CPQ: variants seen among roughly 807,000 people sequenced by gnomAD.
The protein encoded by CPQ is Ser-Met dipeptidase.
CPQ carries 37 observed loss-of-function variants against 45.7 expected under a neutral mutation model. The observed-to-expected ratio is 0.81, with a 90% CI of 0.62 to 1.07. The LOEUF (loss-of-function observed/expected upper bound fraction) is 1.07. Among genes scored for constraint, CPQ ranks in the 50% least tolerant of loss-of-function variants. The probability of loss-of-function intolerance (pLI) is 0.00; values close to 1 mark genes in which losing one functional copy is unlikely to be tolerated. For synonymous variants in CPQ, 186 were observed against 205.8 expected (o/e 0.90, Z 0.82); for missense variants, 537 against 572.9 (o/e 0.94, Z 0.64).
intron 4 of CPQ, among the ~76,000 whole-genome samples, chr8:96,885,923 C>T (rs1398234393): frequency 4.0e-5 from 6 of 151,758 alleles, no homozygotes; most frequent in Non-Finnish European, 7.4e-5. Flanking sequence ...ACCTGGGAGG[C>T]GGAGATCGCA....
intron 1 of CPQ, among the ~76,000 whole-genome samples, chr8:96,730,953 C>G (rs1199785812): frequency 6.8e-6 from 1 of 147,000 alleles, no homozygotes; most frequent in African/African-American, 2.5e-5. Flanking sequence ...CTTATGGAAA[C>G]CCAATGCATA....
At chr8:96,795,757 T>C (rs1479796474) in intron 2 of CPQ, among the ~76,000 whole-genome samples, 1 of 152,072 alleles carries the variant, frequency 6.6e-6, no homozygotes, top group Non-Finnish European at 1.5e-5. Flanking sequence ...ATAAAATCTT[T>C]TAATGTAGAA....
At chr8:96,742,319 A>G (rs1416302293) in intron 1 of CPQ, among the ~76,000 whole-genome samples, 1 of 151,574 alleles carries the variant, frequency 6.6e-6, no homozygotes, top group East Asian at 1.9e-4. Flanking sequence ...TTTGTTTTCC[A>G]TTTGCTTGGT....
intron 2 of CPQ, among the ~76,000 whole-genome samples, chr8:96,813,825 G>C (rs1260307291): frequency 6.6e-6 from 1 of 152,046 alleles, no homozygotes; most frequent in Non-Finnish European, 1.5e-5. Context: ...CCTGGGTAGG[G>C]CAGAGCCTAT....
chr8:96,713,123 A>G (rs1239276428), intron 1 of CPQ, among the ~76,000 whole-genome samples: 2 of 152,164 alleles, frequency 1.3e-5, no homozygotes, highest in Non-Finnish European at 2.9e-5. Flanking sequence ...CTCAGCCTGC[A>G]CTTCATTGTT....
At chr8:96,991,340 C>T (rs779189626) in intron 5 of CPQ, among the ~76,000 whole-genome samples, 6 of 152,034 alleles carry the variant, frequency 3.9e-5, no homozygotes, top group Non-Finnish European at 7.4e-5. Context: ...GCCAATCACT[C>T]GAGGCCAGGA....
chr8:96,917,113 G>C (rs1812743850), intron 4 of CPQ, among the ~76,000 whole-genome samples: 1 of 151,984 alleles, frequency 6.6e-6, no homozygotes, highest in African/African-American at 2.4e-5. Context: ...TGTAAGGTGA[G>C]AGACAGACAG....
chr8:96,917,860 C>T (rs1367369244), intron 4 of CPQ, among the ~76,000 whole-genome samples: 1 of 152,090 alleles, frequency 6.6e-6, no homozygotes, highest in African/African-American at 2.4e-5. Flanking sequence ...GTTCCCTTCA[C>T]CCACCATTCA....
intron 1 of CPQ, among the ~76,000 whole-genome samples, chr8:96,755,762 TATA>T (rs923044195): frequency 6.6e-6 from 1 of 152,006 alleles, no homozygotes; most frequent in South Asian, 2.1e-4. Flanking sequence ...TATTTATCCT[TATA>T]ATAACTTAAA....
chr8:96,824,508 A>G (rs1811352512), intron 2 of CPQ, among the ~76,000 whole-genome samples: 1 of 152,008 alleles, frequency 6.6e-6, no homozygotes, highest in Non-Finnish European at 1.5e-5. Flanking sequence ...TTATTTAAAT[A>G]TTTGAAATCC....
intron 7 of CPQ, among the ~76,000 whole-genome samples, chr8:97,071,133 T>C (rs1810735036): frequency 6.6e-6 from 1 of 152,202 alleles, no homozygotes; most frequent in Admixed American, 6.5e-5. Context: ...GTGTGGTGGC[T>C]TGTGGTAGAC....
chr8:96,952,812 AT>A (rs1275563350), intron 4 of CPQ, among the ~76,000 whole-genome samples: 1 of 152,164 alleles, frequency 6.6e-6, no homozygotes, highest in Non-Finnish European at 1.5e-5. Context: ...TAAAAAATAA[AT>A]GTGAAAACAG....
At chr8:97,012,899 T>A (rs1809514875) in intron 5 of CPQ, among the ~76,000 whole-genome samples, 1 of 151,136 alleles carries the variant, frequency 6.6e-6, no homozygotes, top group South Asian at 2.1e-4. Context: ...AAATGTGTCT[T>A]GTGCTTCCCA....
intron 1 of CPQ, among the ~76,000 whole-genome samples, chr8:96,649,771 A>G (rs1815557569): frequency 6.6e-6 from 1 of 152,264 alleles, no homozygotes; most frequent in Non-Finnish European, 1.5e-5. Flanking sequence ...AGACACATCA[A>G]TTTAATAACT....
At chr8:96,960,642 C>G (rs1431794818) in intron 4 of CPQ, among the ~76,000 whole-genome samples, 1 of 152,176 alleles carries the variant, frequency 6.6e-6, no homozygotes. Context: ...TCACCTCCTC[C>G]TCTCTGCCCT....
At chr8:96,938,224 T>C (rs1813079397) in intron 4 of CPQ, among the ~76,000 whole-genome samples, 1 of 152,176 alleles carries the variant, frequency 6.6e-6, no homozygotes, top group South Asian at 2.1e-4. Flanking sequence ...AGGAAACAGA[T>C]GGTACATTCA....
At chr8:97,055,296 T>C (rs889125056) in intron 6 of CPQ, among the ~76,000 whole-genome samples, 1 of 152,198 alleles carries the variant, frequency 6.6e-6, no homozygotes, top group Admixed American at 6.5e-5. Context: ...TCCAGGGCTA[T>C]TGTTGCCACC....
chr8:96,657,599 C>A (rs1221474493), intron 1 of CPQ, among the ~76,000 whole-genome samples: 1 of 152,210 alleles, frequency 6.6e-6, no homozygotes, highest in Non-Finnish European at 1.5e-5. Flanking sequence ...ATTCTGCCAT[C>A]TTGCTGATGT....
At chr8:96,832,202 C>G (rs1586418581) in intron 2 of CPQ, among the ~76,000 whole-genome samples, 2 of 152,196 alleles carry the variant, frequency 1.3e-5, no homozygotes, top group African/African-American at 4.8e-5. Context: ...ATCAGAAGAG[C>G]TTTCTTGTGT....
Sources: gnomAD v4.1 joint callset for allele counts (sites outside exome capture counted in the v4.1 genomes callset) on GRCh38, gnomAD v4.1.1 for gene constraint, MANE v1.5 for transcripts, NCBI Gene and HGNC (gene_info 2026-07-23, HGNC 2026-07-21) for gene names.